The following MORF4L1 variants were observed in gnomAD, a reference collection of about 807,000 sequenced individuals.
MORF4L1 encodes mortality factor 4 like 1, also known as mortality factor 4-like protein 1.
A neutral mutation model predicts 52.9 loss-of-function variants in MORF4L1; 4 were observed. The observed-to-expected ratio is 0.08, with a 90% CI of 0.04 to 0.17. The LOEUF (loss-of-function observed/expected upper bound fraction) is 0.17. MORF4L1 is among the 10% of genes least tolerant of loss of function. The pLI, the probability that MORF4L1 is intolerant of heterozygous loss-of-function variation, is 1.00. For synonymous variants in MORF4L1, 123 were observed against 134.8 expected (o/e 0.91, Z 0.61); for missense variants, 214 against 390.4 (o/e 0.55, Z 3.81).
At chr15:78,896,778 C>T (rs1245622911) in intron 11 of MORF4L1, among the ~76,000 whole-genome samples, 4 of 152,052 alleles carry the variant, frequency 2.6e-5, no homozygotes, top group Non-Finnish European at 5.9e-5. Context: ...GAGTTCATTC[C>T]TTTGTATATG....
In MORF4L1 at chr15:78,872,945, T is replaced by A; in HGVS notation, c.-73T>A. 6.7e-7 allele frequency: 1 copy of A among 1,499,576 alleles called. No homozygotes were observed. The highest frequency in any genetic ancestry group is 8.9e-7 in the Non-Finnish European group (1 of 1,125,684). The allele number at this position is 1,499,576 out of a possible 1,614,324, so 92.9% of individuals were successfully genotyped here. On this transcript the variant is annotated 5_prime_UTR_variant, in exon 1 of 12. In the 5' UTR this introduces an upstream ATG that the reference lacks. Transcript: ENST00000426013. ...GCCTGACGGCGCGTCTGACGCGGAGTTGGGTGGGGTAGAGAGTAGGGGGCG... is the reference window on the plus strand; with the variant it reads ...GCCTGACGGCGCGTCTGACGCGGAGATGGGTGGGGTAGAGAGTAGGGGGCG...
chr15:78,881,038 TAAAG>T (rs2056592876), intron 3 of MORF4L1, among the ~76,000 whole-genome samples: 1 of 152,016 alleles, frequency 6.6e-6, no homozygotes, highest in South Asian at 2.1e-4. Context: ...GATTGGGAAA[TAAAG>T]ACAGAATTTA....
intron 5 of MORF4L1, among the ~76,000 whole-genome samples, chr15:78,890,310 C>CA (rs869263295): frequency 7.9e-5 from 9 of 113,372 alleles, no homozygotes; most frequent in Non-Finnish European, 1.2e-4. Context: ...AGACTTAAAA[C>CA]AAAAAAATTA....
At chr15:78,887,517 C>T in intron 5 of MORF4L1, 168 bp downstream of exon 5, 1 of 501,194 alleles carries the variant, frequency 2.0e-6, no homozygotes, top group Non-Finnish European at 3.5e-6. Context: ...TAACGTATTC[C>T]TTAATTTTCC....
At position 78,887,308 on chromosome 15, in the gene MORF4L1, A is replaced by G. The variant is rs2056723074; in HGVS notation, c.282A>G (p.Pro94=). Residue 94 remains proline (P), a synonymous_variant, in exon 5 of 12, where the codon CCA becomes CCG. Transcript: ENST00000426013. ...YAEGKMRGAA[P]GKKTSGLQQK... Reference sequence around the variant, plus strand: ...AGGGGAAGATGAGAGGGGCTGCCCCAGGAAAGAAGACATCTGGTCTGCAAC... The same window carrying G: ...AGGGGAAGATGAGAGGGGCTGCCCCGGGAAAGAAGACATCTGGTCTGCAAC... 1.2e-6 allele frequency: 2 copies of G among 1,612,018 alleles called. No individual in the cohort carries two copies. The highest frequency in any genetic ancestry group is 1.7e-6 in the Non-Finnish European group (2 of 1,179,612).
chr15:78,891,773 G>A, intron 7 of MORF4L1: 1 of 528,818 alleles, frequency 1.9e-6, no homozygotes. Flanking sequence ...CTACCCAATT[G>A]ATCATTTGTT....
At chr15:78,886,061 C>A in intron 3 of MORF4L1, 80 bp from the exon 4 acceptor site, 1 of 988,968 alleles carries the variant, frequency 1.0e-6, no homozygotes, top group East Asian at 2.4e-5. Context: ...AAGAGAAATC[C>A]AGTCTTGCCT....
At chr15:78,873,872 A>G (rs1397662790) in intron 1 of MORF4L1, 2 of 152,280 alleles carry the variant, frequency 1.3e-5, no homozygotes, top group Non-Finnish European at 2.9e-5. Flanking sequence ...GTTGCTCGTA[A>G]AAAGTAAATA....
intron 1 of MORF4L1, among the ~76,000 whole-genome samples, chr15:78,875,197 C>G (rs773015321): frequency 6.6e-6 from 1 of 152,128 alleles, no homozygotes; most frequent in African/African-American, 2.4e-5. Flanking sequence ...GTTTATCAGA[C>G]TGTCAAGGCA....
rs540677674 is a variant in MORF4L1, at chr15:78,894,704, G to C, written c.803-116G>C. 5 of 816,210 alleles carry C rather than the reference G, an allele frequency of 6.1e-6. No homozygotes were observed. The South Asian group carries it at 6.4e-5, about 10-fold the overall frequency. The allele number at this position is 816,210 out of a possible 1,614,324, so 50.6% of individuals were successfully genotyped here. A position where few individuals can be genotyped will look rare whatever the true frequency, so the allele number is the denominator to read the frequency against. On this transcript the variant is annotated intron_variant, in intron 10 of 11. Transcript: ENST00000426013. ...ATTACAGGCGTGAGCCACTATGCCC[G>C]GCCTAAAATCATGTATTTTAAAGGA...
At chr15:78,876,645 G>C (rs1454248562) in intron 1 of MORF4L1, 4 of 447,832 alleles carry the variant, frequency 8.9e-6, no homozygotes, top group Non-Finnish European at 1.3e-5. Context: ...AGGAAACACA[G>C]ATCTGATCTG....
At chr15:78,896,313 T>C (rs55721432) in intron 11 of MORF4L1, among the ~76,000 whole-genome samples, 279 of 110,580 alleles carry the variant, frequency 2.5e-3, no homozygotes, top group South Asian at 9.5e-3. Context: ...CTTTTCTTTT[T>C]TTTTTTTTTT....
At chr15:78,889,994 A>T (rs937151801) in intron 5 of MORF4L1, among the ~76,000 whole-genome samples, 2 of 152,054 alleles carry the variant, frequency 1.3e-5, no homozygotes, top group Non-Finnish European at 2.9e-5. Context: ...AGGCCGAGGT[A>T]TGCGAATCAC....
chr15:78,894,347 A>G (rs1483500894), intron 10 of MORF4L1, 117 bp downstream of exon 10: 2 of 763,608 alleles, frequency 2.6e-6, no homozygotes, highest in Non-Finnish European at 4.0e-6. Context: ...TTGAACTTTT[A>G]TCTAGAATGT....
intron 3 of MORF4L1, among the ~76,000 whole-genome samples, chr15:78,885,698 C>T (rs1311916091): frequency 2.0e-5 from 3 of 152,196 alleles, no homozygotes; most frequent in African/African-American, 7.2e-5. Context: ...TGTTGTTATC[C>T]TCATTTCATA....
At position 78,891,709 on chromosome 15, in the gene MORF4L1, G is replaced by A. The variant is rs972470210; in HGVS notation, c.438+137G>A. On this transcript the variant is annotated intron_variant, in intron 7 of 11. Coordinates refer to ENST00000426013, the MANE Select transcript of MORF4L1 (RefSeq NM_006791.4). ...TGAAATTAAAAATTTTCTCTTTTGG[G>A]GGTAAAGGATAAATTTCTGTATATC... The A allele has an allele frequency of 1.9e-4, 123 of 640,888 alleles. No individual in the cohort carries two copies. In the East Asian group the frequency reaches 2.7e-3, roughly 14 times the overall value. The allele number at this position is 640,888 out of a possible 1,614,324, so 39.7% of individuals were successfully genotyped here. A position where few individuals can be genotyped will look rare whatever the true frequency, so the allele number is the denominator to read the frequency against.
chr15:78,893,606 C>T lies in MORF4L1; in HGVS notation c.608C>T (p.Ser203Phe), dbSNP rs1340737871. Residue 203 changes from serine (S) to phenylalanine (F), a missense_variant, in exon 9 of 12, where the codon TCT (serine) becomes TTT (phenylalanine). Physicochemically the swap from Ser to Phe is radical, Grantham distance 155. Around this residue, in one of 5 missense-constraint regions of MORF4L1, gnomAD observed 68 missense variants for 171.6 expected, o/e 0.40. Transcript: ENST00000426013. ...GAGGATTATGCAAATTACAAGAAAT[C>T]TCGTGGAAACACAGATAATAAGTAA... Reference protein sequence around the residue: ...ILEDYANYKKSRGNTDNKEYA... With the variant: ...ILEDYANYKKFRGNTDNKEYA... 1 of 1,588,646 alleles carries T rather than the reference C, an allele frequency of 6.3e-7. No individual in the cohort carries two copies.
At chr15:78,889,902 T>A (rs902915469) in intron 5 of MORF4L1, among the ~76,000 whole-genome samples, 1 of 152,160 alleles carries the variant, frequency 6.6e-6, no homozygotes, top group African/African-American at 2.4e-5. Flanking sequence ...ATAAACTGTT[T>A]CCTTTGTGGT....
chr15:78,887,230 G>T, intron 4 of MORF4L1, 39 bp from the exon 5 acceptor site: 1 of 1,519,264 alleles, frequency 6.6e-7, no homozygotes, highest in Admixed American at 2.1e-5. Context: ...TCACATAAAT[G>T]CTCATTTTAT....
Sources: gnomAD v4.1 joint callset for allele counts (sites outside exome capture counted in the v4.1 genomes callset) on GRCh38, gnomAD v4.1.1 for gene constraint, gnomAD v4.1.1 regional missense constraint, MANE v1.5 for transcripts, NCBI Gene and HGNC (gene_info 2026-07-23, HGNC 2026-07-21) for gene names.